NCKAP5: variants seen among roughly 807,000 people sequenced by gnomAD.
The protein encoded by NCKAP5 is nck-associated protein 5.
A neutral mutation model predicts 167.0 loss-of-function variants in NCKAP5; 92 were observed. The observed-to-expected ratio is 0.55, with a 90% CI of 0.47 to 0.66. The LOEUF is 0.66. Ranked by LOEUF, NCKAP5 falls within the 30% of genes least tolerant of loss-of-function variation. The probability of loss-of-function intolerance (pLI) is 0.00; values close to 1 mark genes in which losing one functional copy is unlikely to be tolerated. For missense variants in NCKAP5, 2,378 were observed against 2,315.0 expected (o/e 1.03, Z -0.56); for synonymous variants, 891 against 877.4 (o/e 1.02, Z -0.27).
At chr2:133,284,167 A>G (rs922920742) in intron 4 of NCKAP5, among the ~76,000 whole-genome samples, 2 of 151,770 alleles carry the variant, frequency 1.3e-5, no homozygotes, top group Non-Finnish European at 2.9e-5. Flanking sequence ...GTGCATATAT[A>G]TATATATGAT....
intron 5 of NCKAP5, among the ~76,000 whole-genome samples, chr2:133,133,943 A>G (rs375468549): frequency 1.4e-4 from 21 of 152,192 alleles, no homozygotes; most frequent in African/African-American, 4.1e-4. Context: ...TACTACTGTC[A>G]GCTCTGCTGT....
chr2:133,366,159 G>A (rs939912637), intron 3 of NCKAP5, among the ~76,000 whole-genome samples: 3 of 151,992 alleles, frequency 2.0e-5, no homozygotes, highest in African/African-American at 7.3e-5. Context: ...TTTAATTTTG[G>A]ACAACCATTT....
intron 4 of NCKAP5, among the ~76,000 whole-genome samples, chr2:133,256,948 C>T: frequency 6.6e-6 from 1 of 152,172 alleles, no homozygotes; most frequent in Admixed American, 6.5e-5. Context: ...TCATAATTTT[C>T]CCTACTTACC....
intron 6 of NCKAP5, among the ~76,000 whole-genome samples, chr2:133,060,131 G>T (rs1485141423): frequency 6.6e-6 from 1 of 152,086 alleles, no homozygotes; most frequent in Non-Finnish European, 1.5e-5. Context: ...GACATCAGTG[G>T]GACTAGGAAA....
At position 132,697,266 on chromosome 2, in the gene NCKAP5, C is replaced by A. The variant is rs543221953; in HGVS notation, c.5714-23961G>T. 1.7e-4 allele frequency among the ~76,000 whole-genome samples: 26 copies of A among 152,342 alleles called. 1 individual carries two copies. In the South Asian group the frequency reaches 4.8e-3, roughly 28 times the overall value. ...TGGTCCTCAGGGCTTCCTGTCAGGA[C>A]AGTGCTCCCTTGATGCATGGGGGTC... On this transcript the variant is annotated intron_variant, in intron 19 of 19. Transcript: ENST00000409261.
intron 6 of NCKAP5, among the ~76,000 whole-genome samples, chr2:133,034,275 T>A (rs1164068781): frequency 6.6e-6 from 1 of 152,120 alleles, no homozygotes; most frequent in Non-Finnish European, 1.5e-5. Flanking sequence ...GAAAATATCC[T>A]TCAAACACAA....
chr2:132,795,702 C>T (rs1684523720), intron 12 of NCKAP5, among the ~76,000 whole-genome samples: 1 of 151,178 alleles, frequency 6.6e-6, no homozygotes, highest in Non-Finnish European at 1.5e-5. Flanking sequence ...GCCTATAATC[C>T]CAGCTACTTG....
intron 11 of NCKAP5, among the ~76,000 whole-genome samples, chr2:132,810,627 G>A (rs1050999886): frequency 6.6e-5 from 10 of 151,910 alleles, no homozygotes; most frequent in Admixed American, 1.3e-4. Context: ...TGAATTTTTC[G>A]TTGTTTTTTA....
intron 7 of NCKAP5, among the ~76,000 whole-genome samples, chr2:132,974,457 A>T (rs1275431986): frequency 6.6e-6 from 1 of 152,200 alleles, no homozygotes; most frequent in East Asian, 1.9e-4. Flanking sequence ...ACAATTTTAC[A>T]TATGGCAAGG....
At chr2:132,848,873 A>T (rs1349705485) in intron 11 of NCKAP5, among the ~76,000 whole-genome samples, 1 of 152,204 alleles carries the variant, frequency 6.6e-6, no homozygotes, top group African/African-American at 2.4e-5. Context: ...AGTGAACAGA[A>T]AAAGCTAAAA....
chr2:133,449,554 A>G (rs1691416605), intron 3 of NCKAP5, among the ~76,000 whole-genome samples: 1 of 152,182 alleles, frequency 6.6e-6, no homozygotes, highest in African/African-American at 2.4e-5. Flanking sequence ...GTCCTTTTCC[A>G]CCTTGAGAAT....
intron 8 of NCKAP5, among the ~76,000 whole-genome samples, chr2:132,904,556 C>T (rs1442288279): frequency 6.6e-6 from 1 of 152,042 alleles, no homozygotes; most frequent in African/African-American, 2.4e-5. Flanking sequence ...AGCCCTAGAA[C>T]TTTCTCAGGG....
chr2:133,384,741 G>C (rs1686803857), intron 3 of NCKAP5, among the ~76,000 whole-genome samples: 2 of 151,278 alleles, frequency 1.3e-5, no homozygotes, highest in Admixed American at 1.3e-4. Context: ...TTGAGCAATG[G>C]TTTCTCCTTG....
chr2:132,717,353 G>A (rs1689466074), intron 19 of NCKAP5, among the ~76,000 whole-genome samples: 1 of 152,212 alleles, frequency 6.6e-6, no homozygotes, highest in Admixed American at 6.5e-5. Context: ...GCAACTTGGA[G>A]TGATTATAAC....
intron 7 of NCKAP5, 76 bp from the exon 8 acceptor site, chr2:132,963,945 G>T: frequency 6.6e-7 from 1 of 1,521,962 alleles, no homozygotes; most frequent in Non-Finnish European, 9.0e-7. Flanking sequence ...GAAAAGGCTG[G>T]AATCATTCTC....
chr2:133,451,293 C>T (rs80194861), intron 3 of NCKAP5, among the ~76,000 whole-genome samples: 5,010 of 152,308 alleles, frequency 0.033, 120 homozygotes, highest in Admixed American at 0.079. Context: ...AACCCTCTCT[C>T]AACCTCACCT....
intron 6 of NCKAP5, among the ~76,000 whole-genome samples, chr2:133,015,554 A>G (rs1204042726): frequency 6.6e-6 from 1 of 152,202 alleles, no homozygotes; most frequent in African/African-American, 2.4e-5. Context: ...AATTTTCCAA[A>G]TAATGATAAA....
At chr2:133,402,233 C>A (rs1379326013) in intron 3 of NCKAP5, among the ~76,000 whole-genome samples, 1 of 152,046 alleles carries the variant, frequency 6.6e-6, no homozygotes, top group Non-Finnish European at 1.5e-5. Flanking sequence ...TGTGCACTCA[C>A]GCCTACTGAT....
rs147035551 is a variant in NCKAP5, at chr2:133,200,805, T to C, written c.207+12911A>G. On this transcript the variant is annotated intron_variant, in intron 5 of 19. Transcript: ENST00000409261. ...CGCCACACTGCAAACAGCCCAAATA[T>C]CTGTCAAAAGGAACGTGGATAAACA... Among the ~76,000 whole-genome samples, 1,117 of 152,188 alleles carry C rather than the reference T, an allele frequency of 7.3e-3. 11 individuals are homozygous for C. Among genetic ancestry groups the C allele is most frequent in the African/African-American group, 0.025 (1,050 of 41,536 alleles).
Sources: gnomAD v4.1 joint callset for allele counts (sites outside exome capture counted in the v4.1 genomes callset) on GRCh38, gnomAD v4.1.1 for gene constraint, MANE v1.5 for transcripts, NCBI Gene and HGNC (gene_info 2026-07-23, HGNC 2026-07-21) for gene names.